KALRN: variants seen among roughly 807,000 people sequenced by gnomAD.
KALRN encodes the protein kalirin.
A neutral mutation model predicts 353.7 loss-of-function variants in KALRN; 70 were observed. That is an observed-to-expected ratio of 0.20 (90% CI 0.16 to 0.24). KALRN has a LOEUF of 0.24. Ranked by LOEUF, KALRN falls within the 10% of genes least tolerant of loss-of-function variation. The pLI is 1.00. For synonymous variants in KALRN, 1,391 were observed against 1,434.8 expected (o/e 0.97, Z 0.69); for missense variants, 2,791 against 3,756.7 (o/e 0.74, Z 6.72).
chr3:124,691,779 T>C (rs2061826991), intron 51 of KALRN, among the ~76,000 whole-genome samples: 2 of 152,108 alleles, frequency 1.3e-5, no homozygotes, highest in African/African-American at 4.8e-5. Context: ...GGAAGAGAAA[T>C]GTTTGGCCTC....
At chr3:124,290,475 G>A (rs1435354407) in intron 5 of KALRN, among the ~76,000 whole-genome samples, 1 of 152,174 alleles carries the variant, frequency 6.6e-6, no homozygotes, top group East Asian at 1.9e-4. Flanking sequence ...GGCAGTAGGG[G>A]CAGAACACAC....
intron 34 of KALRN, among the ~76,000 whole-genome samples, chr3:124,574,937 C>A (rs1392223251): frequency 6.6e-6 from 1 of 152,188 alleles, no homozygotes; most frequent in Non-Finnish European, 1.5e-5. Context: ...CAGTCAGCAC[C>A]CTCCTCTCAC....
At chr3:124,418,564 CACAA>C (rs1167987256) in intron 14 of KALRN, among the ~76,000 whole-genome samples, 1 of 152,146 alleles carries the variant, frequency 6.6e-6, no homozygotes, top group Non-Finnish European at 1.5e-5. Context: ...ATTTAAAGAA[CACAA>C]ACAGTTTTTT....
intron 18 of KALRN, among the ~76,000 whole-genome samples, chr3:124,441,555 T>C (rs1257746883): frequency 6.6e-6 from 1 of 152,212 alleles, no homozygotes; most frequent in African/African-American, 2.4e-5. Flanking sequence ...CCAGGTGCCA[T>C]GGCTCATGCC....
intron 1 of KALRN, among the ~76,000 whole-genome samples, chr3:124,191,237 T>TGACTAAA (rs2074874535): frequency 2.6e-5 from 4 of 152,052 alleles, no homozygotes; most frequent in Admixed American, 2.0e-4. Context: ...TTATGGAGTC[T>TGACTAAA]TCATTGTATA....
Position 124,555,283 on chromosome 3 carries a change from G to A in KALRN, c.4936-7560G>A, listed in dbSNP as rs144633510. On this transcript the variant is annotated intron_variant, in intron 33 of 59. Coordinates refer to ENST00000682506, the MANE Select transcript of KALRN (RefSeq NM_001388419.1). ...GCAGTGGCTCACGCCTGTAATCCCA[G>A]CACTTTGCGAGTCCGAGGTGGGCGG... Among the ~76,000 whole-genome samples the A allele has an allele frequency of 2.1e-3, 320 of 152,150 alleles. 1 individual carries two copies. Among genetic ancestry groups the A allele is most frequent in the African/African-American group, 6.9e-3 (286 of 41,504 alleles).
At chr3:124,673,648 G>GTATGTATAT (rs1553725658) in intron 48 of KALRN, among the ~76,000 whole-genome samples, 1 of 151,812 alleles carries the variant, frequency 6.6e-6, no homozygotes, top group Admixed American at 6.6e-5. Context: ...TGTATATACT[G>GTATGTATAT]AAGAATTTCT....
chr3:124,332,583 G>GT (rs2080699389), intron 8 of KALRN, among the ~76,000 whole-genome samples: 1 of 152,062 alleles, frequency 6.6e-6, no homozygotes, highest in South Asian at 2.1e-4. Context: ...AGGGCCATAG[G>GT]TGTTGATTGT....
chr3:124,384,770 C>T (rs2087945996), intron 10 of KALRN, 75 bp from the exon 11 acceptor site: 6 of 1,430,386 alleles, frequency 4.2e-6, no homozygotes, highest in Non-Finnish European at 5.7e-6. Flanking sequence ...TCCGCTTCAG[C>T]TCCGGGGAGC....
intron 33 of KALRN, among the ~76,000 whole-genome samples, chr3:124,508,393 C>T: frequency 6.6e-6 from 1 of 152,188 alleles, no homozygotes; most frequent in East Asian, 1.9e-4. Context: ...AATTTCATCT[C>T]AATGTGGCTG....
chr3:124,622,755 A>G (rs779452249), intron 34 of KALRN, among the ~76,000 whole-genome samples: 2 of 152,184 alleles, frequency 1.3e-5, no homozygotes, highest in Non-Finnish European at 2.9e-5. Flanking sequence ...GGTCAGTAGA[A>G]ACAAGGCTAA....
intron 27 of KALRN, among the ~76,000 whole-genome samples, chr3:124,481,990 C>T (rs1189142943): frequency 6.6e-6 from 1 of 152,124 alleles, no homozygotes; most frequent in African/African-American, 2.4e-5. Flanking sequence ...TTCTCTGACC[C>T]TTAGAACCCC....
At chr3:124,057,587 T>C (rs4678078) in intron 1 of KALRN, among the ~76,000 whole-genome samples, 139,561 of 152,092 alleles carry the variant, frequency 0.92, 64,728 homozygotes, top group East Asian at 1. Context: ...TGAGGAATCT[T>C]TTTGCTTTGG....
At chr3:124,631,168 G>A (rs909984815) in intron 34 of KALRN, among the ~76,000 whole-genome samples, 1 of 152,110 alleles carries the variant, frequency 6.6e-6, no homozygotes, top group Admixed American at 6.6e-5. Context: ...CTACTTTCTT[G>A]TCCTCTCGTC....
chr3:124,164,024 C>T, intron 1 of KALRN: 1 of 969,922 alleles, frequency 1.0e-6, no homozygotes, highest in Non-Finnish European at 1.2e-6. Context: ...CTGCAGAACT[C>T]ACACACTTAA....
intron 28 of KALRN, 84 bp downstream of exon 28, chr3:124,482,984 A>G (rs370641959): frequency 1.3e-5 from 12 of 920,714 alleles, no homozygotes; most frequent in African/African-American, 6.5e-5. Context: ...AAGGATAGGA[A>G]TGCTTCCACC....
chr3:124,697,463 A>T (rs1021765048), intron 54 of KALRN, 130 bp from the exon 55 acceptor site: 1 of 850,476 alleles, frequency 1.2e-6, no homozygotes, highest in African/African-American at 1.7e-5. Flanking sequence ...AAGGTATGCC[A>T]CTTGGTGGAG....
At chr3:124,683,473 G>A (rs2061429769) in intron 51 of KALRN, among the ~76,000 whole-genome samples, 1 of 152,206 alleles carries the variant, frequency 6.6e-6, no homozygotes, top group Admixed American at 6.5e-5. Context: ...CTACATCACA[G>A]GATGGGGTTG....
chr3:124,160,498 AAAGAG>A (rs2069748552), intron 1 of KALRN, among the ~76,000 whole-genome samples: 1 of 152,172 alleles, frequency 6.6e-6, no homozygotes, highest in Admixed American at 6.5e-5. Flanking sequence ...ATGTGAGTGA[AAAGAG>A]AAGAGAAGGA....
Sources: allele counts gnomAD v4.1 joint callset (sites outside exome capture counted in the v4.1 genomes callset), GRCh38; gene constraint gnomAD v4.1.1; transcripts MANE v1.5; gene names NCBI Gene and HGNC (gene_info 2026-07-23, HGNC 2026-07-21).